DISP1: variants seen among roughly 807,000 people sequenced by gnomAD.
DISP1 encodes the protein protein dispatched homolog 1.
DISP1 carries 30 observed loss-of-function variants against 37.3 expected under a neutral mutation model. The ratio of observed to expected loss-of-function variants is 0.80; its 90% CI spans 0.60 to 1.09. The LOEUF (loss-of-function observed/expected upper bound fraction) is 1.09, where lower values mean the gene tolerates loss of function less well. DISP1 is among the 50% of genes least tolerant of loss of function. The probability of loss-of-function intolerance (pLI) is 0.00; values close to 1 mark genes in which losing one functional copy is unlikely to be tolerated. For synonymous variants in DISP1, 634 were observed against 690.2 expected (o/e 0.92, Z 1.28); for missense variants, 1,598 against 1,879.5 (o/e 0.85, Z 2.77).
chr1:222,881,833 A>G (rs1670301419), intron 1 of DISP1, among the ~76,000 whole-genome samples: 1 of 152,224 alleles, frequency 6.6e-6, no homozygotes, highest in Non-Finnish European at 1.5e-5. Flanking sequence ...GGACATAAAG[A>G]TATTCTTATA....
intron 4 of DISP1, chr1:222,989,517 A>C (rs1678528866): frequency 1.0e-5 from 10 of 985,330 alleles, no homozygotes; most frequent in Non-Finnish European, 1.2e-5. Flanking sequence ...CAGATCTTTC[A>C]ATTTGAGGTA....
chr1:222,919,980 C>T (rs2125439407), intron 1 of DISP1, among the ~76,000 whole-genome samples: 1 of 152,208 alleles, frequency 6.6e-6, no homozygotes, highest in South Asian at 2.1e-4. Flanking sequence ...TTAATCTAAG[C>T]CTTTAGCAAT....
intron 3 of DISP1, among the ~76,000 whole-genome samples, chr1:222,960,061 G>A (rs1396778524): frequency 6.6e-6 from 1 of 152,128 alleles, no homozygotes; most frequent in South Asian, 2.1e-4. Context: ...ATCAATATTA[G>A]ATCAATGAGA....
At chr1:222,983,584 T>C (rs1237831368) in intron 4 of DISP1, among the ~76,000 whole-genome samples, 1 of 152,030 alleles carries the variant, frequency 6.6e-6, no homozygotes, top group Non-Finnish European at 1.5e-5. Flanking sequence ...GCCACTGTAC[T>C]CCAGCCTGGG....
chr1:222,988,253 C>G (rs1678416921), intron 4 of DISP1, among the ~76,000 whole-genome samples: 1 of 152,144 alleles, frequency 6.6e-6, no homozygotes, highest in Non-Finnish European at 1.5e-5. Flanking sequence ...ATAAATAGGG[C>G]TAGGAATTTT....
chr1:222,840,180 T>C (rs570208078), intron 1 of DISP1, among the ~76,000 whole-genome samples: 1 of 152,306 alleles, frequency 6.6e-6, no homozygotes, highest in South Asian at 2.1e-4. Flanking sequence ...CATGGTAAAG[T>C]CGAACTATTA....
chr1:222,820,185 A>G (rs572062769), intron 1 of DISP1, among the ~76,000 whole-genome samples: 172 of 151,514 alleles, frequency 1.1e-3, no homozygotes, highest in Non-Finnish European at 2.0e-3. Flanking sequence ...TTGAGTGTCT[A>G]TTTAAGGGAG....
intron 3 of DISP1, among the ~76,000 whole-genome samples, chr1:222,947,189 G>C (rs1025179515): frequency 6.6e-6 from 1 of 151,980 alleles, no homozygotes; most frequent in Non-Finnish European, 1.5e-5. Flanking sequence ...CCTGCCCCTG[G>C]AAACCACTAT....
intron 1 of DISP1, among the ~76,000 whole-genome samples, chr1:222,836,122 G>C (rs1252799898): frequency 6.6e-6 from 1 of 152,150 alleles, no homozygotes; most frequent in African/African-American, 2.4e-5. Flanking sequence ...CTTGGTACTA[G>C]AATCTTTAAG....
intron 1 of DISP1, among the ~76,000 whole-genome samples, chr1:222,875,111 C>T (rs1669884345): frequency 6.6e-6 from 1 of 152,002 alleles, no homozygotes; most frequent in Non-Finnish European, 1.5e-5. Flanking sequence ...AGAATTTGGG[C>T]TTATAATGGG....
intron 3 of DISP1, chr1:222,979,527 T>C (rs1677675889): frequency 2.2e-6 from 1 of 449,348 alleles, no homozygotes; most frequent in Admixed American, 2.4e-5. Flanking sequence ...GTGAATTATG[T>C]GGTATATGAA....
intron 1 of DISP1, chr1:222,837,275 A>G: frequency 2.6e-6 from 1 of 389,358 alleles, no homozygotes; most frequent in Non-Finnish European, 4.5e-6. Context: ...AGACAGCAGA[A>G]CTGACTGGCT....
intron 6 of DISP1, 144 bp downstream of exon 6, chr1:222,991,791 T>C (rs1323719062): frequency 9.7e-7 from 1 of 1,034,066 alleles, no homozygotes; most frequent in Non-Finnish European, 1.4e-6. Context: ...CTTGTCATTG[T>C]GTTTGAAGAT....
chr1:222,984,181 G>A (rs891454485), intron 4 of DISP1, among the ~76,000 whole-genome samples: 10 of 151,742 alleles, frequency 6.6e-5, no homozygotes, highest in Admixed American at 6.6e-5. Flanking sequence ...TGAGGCAGGC[G>A]GATCACTTGA....
intron 3 of DISP1, among the ~76,000 whole-genome samples, chr1:222,970,393 G>C (rs898559957): frequency 6.6e-6 from 1 of 152,066 alleles, no homozygotes; most frequent in African/African-American, 2.4e-5. Context: ...TTCACATAAA[G>C]AGCCGGCATT....
At chr1:222,969,551 G>T (rs907494394) in intron 3 of DISP1, among the ~76,000 whole-genome samples, 2 of 151,788 alleles carry the variant, frequency 1.3e-5, no homozygotes, top group South Asian at 2.1e-4. Context: ...GCAATCTAAC[G>T]TAACGTAGTA....
intron 1 of DISP1, among the ~76,000 whole-genome samples, chr1:222,847,930 A>G (rs1668009346): frequency 6.6e-6 from 1 of 152,134 alleles, no homozygotes; most frequent in Non-Finnish European, 1.5e-5. Context: ...TCACAAATAA[A>G]GGTTATGAAA....
At chr1:222,897,717 A>G (rs539215947) in intron 1 of DISP1, among the ~76,000 whole-genome samples, 4 of 152,132 alleles carry the variant, frequency 2.6e-5, no homozygotes, top group East Asian at 1.9e-4. Context: ...GGTAAGCCTT[A>G]CTCCCTCAAG....
chr1:222,863,239 G>A (rs1668984742), intron 1 of DISP1, among the ~76,000 whole-genome samples: 1 of 150,606 alleles, frequency 6.6e-6, no homozygotes, highest in South Asian at 2.1e-4. Flanking sequence ...GTGGGGAGAG[G>A]GCTGAAGGCG....
Sources: allele counts gnomAD v4.1 joint callset (sites outside exome capture counted in the v4.1 genomes callset), GRCh38; gene constraint gnomAD v4.1.1; transcripts MANE v1.5; gene names NCBI Gene and HGNC (gene_info 2026-07-23, HGNC 2026-07-21).